The following CLDN15 variants were observed in gnomAD, a reference collection of about 807,000 sequenced individuals.
CLDN15 encodes claudin-15.
In CLDN15, 9 loss-of-function variants were observed where a neutral mutation model predicts 24.5. The ratio of observed to expected loss-of-function variants is 0.37; its 90% CI spans 0.22 to 0.64. The LOEUF (loss-of-function observed/expected upper bound fraction) is 0.64, where lower values mean the gene tolerates loss of function less well. Ranked by LOEUF, CLDN15 falls within the 30% of genes least tolerant of loss-of-function variation. The pLI is 0.63. For synonymous variants in CLDN15, 149 were observed against 131.4 expected (o/e 1.13, Z -0.92); for missense variants, 248 against 305.9 (o/e 0.81, Z 1.41).
At chr7:101,238,028 A>C, upstream of CLDN15, 1 of 238,512 alleles carries the variant, frequency 4.2e-6, no homozygotes, top group South Asian at 6.0e-5. Flanking sequence ...CTCAGCTTTC[A>C]TTGGGGGCCA....
Position 101,237,405 on chromosome 7 carries a change from G to T in CLDN15, c.177C>A (p.Val59=), listed in dbSNP as rs761250886. 1 of 1,613,466 alleles carries T rather than the reference G, an allele frequency of 6.2e-7. No homozygotes were observed. The highest frequency in any genetic ancestry group is 8.5e-7 in the Non-Finnish European group (1 of 1,179,678). The change falls in exon 1 of 5, where the codon GTC becomes GTA. Residue 59 remains valine (V), a synonymous_variant. Transcript: ENST00000308344. The surrounding 1 kb of genome is among the most constrained non-coding windows in gnomAD (Gnocchi z 4.0). ...TGGACGGGAACTCCCAGCAGTTGTA[G>T]ACGCCCAGGGAGTCGGTGGCACAGC... is the stretch of plus-strand genomic sequence containing the variant. The part of the protein sequence containing the change: ...WFSCATDSLG[V]YNCWEFPSML...
chr7:101,237,695 A>C lies in CLDN15; in HGVS notation c.-114T>G, dbSNP rs1798659494. 1.4e-6 allele frequency: 1 copy of C among 734,302 alleles called. No homozygotes were observed. The allele number at this position is 734,302 out of a possible 1,614,324, so 45.5% of individuals were successfully genotyped here. A position where few individuals can be genotyped will look rare whatever the true frequency, so the allele number is the denominator to read the frequency against. The stretch of plus-strand genomic sequence containing the variant: ...GGGTTGTCCAGGCAGGCTGGGGTGG[A>C]ATCAGCCTCAGCCTCTGCCTGCCTC... On this transcript the variant is annotated 5_prime_UTR_variant, in exon 1 of 5. In the 5' UTR this introduces an upstream ATG that the reference lacks. Coordinates refer to ENST00000308344, the MANE Select transcript of CLDN15 (RefSeq NM_014343.3). The surrounding 1 kb of genome is among the most constrained non-coding windows in gnomAD (Gnocchi z 4.0).
intron 2 of CLDN15, chr7:101,233,764 ATTTTTTTTTTTT>A (rs746861741): frequency 2.8e-4 from 25 of 88,546 alleles, no homozygotes; most frequent in Middle Eastern, 7.1e-3. Context: ...CGCCTGGCTA[ATTTTTTTTTTTT>A]TTTTTTTTTT....
At position 101,234,264 on chromosome 7, in the gene CLDN15, C is replaced by T. The variant is rs200335801; in HGVS notation, c.382+14G>A. 2.9e-4 allele frequency: 468 copies of T among 1,596,692 alleles called. No homozygotes were observed. The highest frequency in any genetic ancestry group is 3.8e-4 in the Non-Finnish European group (442 of 1,172,188). On this transcript the variant is annotated intron_variant, in intron 2 of 4. Transcript: ENST00000308344. ...TTGAGGGGGACCCCCGCCCCATCAC[C>T]TTCCCCCAGTTACCGGCCAGAATGT...
intron 1 of CLDN15, chr7:101,236,812 A>G (rs1304376642): frequency 7.7e-7 from 1 of 1,290,976 alleles, no homozygotes; most frequent in Non-Finnish European, 1.0e-6. Flanking sequence ...CTCCCTTCAC[A>G]GGGGCCCTTT....
Position 101,234,393 on chromosome 7 carries a change from G to A in CLDN15, c.267C>T (p.Gly89=), listed in dbSNP as rs1798585449. The A allele has an allele frequency of 1.5e-5, 24 of 1,612,876 alleles. No homozygotes were observed. The highest frequency in any genetic ancestry group is 1.8e-5 in the Non-Finnish European group (21 of 1,179,258). ...CTATGCCTAGCAAGAGGCCGAGGAA[G>A]CCCAGGAGGATGGCGGTGATCATGA... ...RALMITAILL[G]FLGLLLGIAG... is the part of the protein sequence containing the mutation. The change falls in exon 2 of 5, where the codon GGC becomes GGT. Residue 89 remains glycine, a synonymous_variant. Coordinates refer to ENST00000308344, the MANE Select transcript of CLDN15 (RefSeq NM_014343.3).
chr7:101,237,524 G>A lies in CLDN15; in HGVS notation c.58C>T (p.Leu20=). 1 of 1,614,172 alleles carries A rather than the reference G, an allele frequency of 6.2e-7. No homozygotes were observed. Reference sequence around the variant, plus strand: ...TAGCTGTTTGGCAGAGTCACCCCCAGCATCAGCAGCCCCACAGTTGCCATG... The same window carrying A: ...TAGCTGTTTGGCAGAGTCACCCCCAACATCAGCAGCCCCACAGTTGCCATG... ...FFMATVGLLM[L]GVTLPNSYWR... Residue 20 remains leucine, a synonymous_variant, in exon 1 of 5, where the codon CTG becomes TTG. Transcript: ENST00000308344. This position sits in a 1 kb window ranked among gnomAD's most constrained non-coding sequence, Gnocchi z 4.0.
rs1008618215 is a variant in CLDN15, at chr7:101,232,312, G to A, written c.*98C>T. ...CGGGGCGGGGCTACGGGAGCGGGGC[G>A]TGGCCGGCCCCTGAGGTTACTATAG... On this transcript the variant is annotated 3_prime_UTR_variant, in exon 5 of 5. Transcript: ENST00000308344. The A allele has an allele frequency of 3.6e-6, 3 of 823,554 alleles. No homozygotes were observed. Among genetic ancestry groups the A allele is most frequent in the Non-Finnish European group, 5.7e-6 (3 of 522,402 alleles). 51.0% of individuals were successfully genotyped at this position (823,554 alleles called of 1,614,324 possible). A position where few individuals can be genotyped will look rare whatever the true frequency, so the allele number is the denominator to read the frequency against.
chr7:101,232,631 C>T lies in CLDN15; in HGVS notation c.554G>A (p.Cys185Tyr). 1.9e-6 allele frequency: 3 copies of T among 1,587,300 alleles called. No individual in the cohort carries two copies. Among genetic ancestry groups the T allele is most frequent in the Non-Finnish European group, 2.6e-6 (3 of 1,167,184 alleles). ...GGCGGCTGGGTCCTCGTCAGAGCCGCAGCAGCAGGCGGAGCAGAGGCAGAG... is the reference window on the plus strand; with the variant it reads ...GGCGGCTGGGTCCTCGTCAGAGCCGTAGCAGCAGGCGGAGCAGAGGCAGAG... ...GGLCLCSACCCGSDEDPAASA... is the reference protein window; with the variant it reads ...GGLCLCSACCYGSDEDPAASA... The change falls in exon 4 of 5, where the codon TGC becomes TAC. Residue 185 changes from cysteine to tyrosine, a missense_variant. Coordinates refer to ENST00000308344, the MANE Select transcript of CLDN15 (RefSeq NM_014343.3).
rs1250638805 is a variant in CLDN15 at position 101,237,517 on chromosome 7, A to G, written c.65T>C (p.Val22Ala). Reference protein sequence around the residue: ...MATVGLLMLGVTLPNSYWRVS... With the variant: ...MATVGLLMLGATLPNSYWRVS... ...TCGCCAGTAGCTGTTTGGCAGAGTC[A>G]CCCCCAGCATCAGCAGCCCCACAGT... Residue 22 changes from valine to alanine, a missense_variant, in exon 1 of 5, where the codon GTG becomes GCG. Coordinates refer to ENST00000308344, the MANE Select transcript of CLDN15 (RefSeq NM_014343.3). The surrounding 1 kb of genome is among the most constrained non-coding windows in gnomAD (Gnocchi z 4.0). 9.9e-6 allele frequency: 16 copies of G among 1,613,842 alleles called. No individual in the cohort carries two copies. In the Admixed American group the frequency reaches 2.7e-4, roughly 27 times the overall value.
Position 101,234,269 on chromosome 7 carries a change from C to A in CLDN15, c.382+9G>T. 1.2e-6 allele frequency: 2 copies of A among 1,600,202 alleles called. No individual in the cohort carries two copies. The highest frequency in any genetic ancestry group is 1.7e-6 in the Non-Finnish European group (2 of 1,174,778). Reference sequence around the variant, plus strand: ...GGGGACCCCCGCCCCATCACCTTCCCCCAGTTACCGGCCAGAATGTGGAGG... The same window carrying A: ...GGGGACCCCCGCCCCATCACCTTCCACCAGTTACCGGCCAGAATGTGGAGG... On this transcript the variant is annotated intron_variant, in intron 2 of 4. Transcript: ENST00000308344.
In CLDN15 at chr7:101,232,719, A is replaced by C. The variant is rs1453368342; in HGVS notation, c.466T>G (p.Tyr156Asp). ...FFDPLYPGTK[Y>D]ELGPALYLGW... Reference sequence around the variant, plus strand: ...AGGTAGAGGGCGGGGCCCAGCTCGTACCTGCGCACAAGGGCGGCGCGGGGG... The same window carrying C: ...AGGTAGAGGGCGGGGCCCAGCTCGTCCCTGCGCACAAGGGCGGCGCGGGGG... Residue 156 changes from tyrosine (Y) to aspartate (D), a missense_variant and splice_region_variant, in exon 4 of 5, where the codon TAC (tyrosine) becomes GAC (aspartate). By Grantham distance (160) the Tyr-to-Asp change is radical. Coordinates refer to ENST00000308344, the MANE Select transcript of CLDN15 (RefSeq NM_014343.3). The C allele has an allele frequency of 6.3e-7, 1 of 1,595,520 alleles. No individual in the cohort carries two copies. Among genetic ancestry groups the C allele is most frequent in the African/African-American group, 1.3e-5 (1 of 74,506 alleles).
In CLDN15 at chr7:101,232,554, C is replaced by A. The variant is rs368582019; in HGVS notation, c.582-39G>T. ...CCGGGGTCAGAGCGGGGGCGCGGCC[C>A]TCCTCTCTCCAATCCCGCCCGGCCC... On this transcript the variant is annotated intron_variant, in intron 4 of 4. Coordinates refer to ENST00000308344, the MANE Select transcript of CLDN15 (RefSeq NM_014343.3). 9.2e-5 allele frequency: 147 copies of A among 1,597,200 alleles called. No homozygotes were observed. In the African/African-American group the frequency reaches 1.8e-3, roughly 19 times the overall value.
At chr7:101,236,420 G>A (rs1012344978) in intron 1 of CLDN15, among the ~76,000 whole-genome samples, 2 of 152,154 alleles carry the variant, frequency 1.3e-5, no homozygotes, top group African/African-American at 4.8e-5. Flanking sequence ...ATCCCCGGGG[G>A]TGAGCTCTCA....
chr7:101,235,728 C>G (rs949902748), intron 1 of CLDN15, among the ~76,000 whole-genome samples: 1 of 152,128 alleles, frequency 6.6e-6, no homozygotes, highest in Non-Finnish European at 1.5e-5. Flanking sequence ...GGAGCACTTT[C>G]TTCCTCCCAG....
chr7:101,232,665 G>C lies in CLDN15; in HGVS notation c.520C>G (p.Leu174Val). Reference sequence around the variant, plus strand: ...GCGGAGCAGAGGCAGAGGCCACCCAGGATGGAGATCAGTGAGGCGCTCCAC... The same window carrying C: ...GCGGAGCAGAGGCAGAGGCCACCCACGATGGAGATCAGTGAGGCGCTCCAC... ...LGWSASLISI[L>V]GGLCLCSACC... is the part of the protein sequence containing the mutation. The change falls in exon 4 of 5, where the codon CTG becomes GTG. Residue 174 changes from leucine (L) to valine (V), a missense_variant. Physicochemically the swap from Leu to Val is conservative, Grantham distance 32. Coordinates refer to ENST00000308344, the MANE Select transcript of CLDN15 (RefSeq NM_014343.3). 1 of 1,590,858 alleles carries C rather than the reference G, an allele frequency of 6.3e-7. No individual in the cohort carries two copies. The highest frequency in any genetic ancestry group is 1.3e-5 in the African/African-American group (1 of 74,706).
At chr7:101,232,954 G>C in intron 2 of CLDN15, 40 bp from the exon 3 acceptor site, 1 of 1,440,444 alleles carries the variant, frequency 6.9e-7, no homozygotes. Context: ...TCCAGGGGGA[G>C]GGATAGTGGG....
At chr7:101,236,988 A>C in intron 1 of CLDN15, 1 of 418,568 alleles carries the variant, frequency 2.4e-6, no homozygotes, top group Non-Finnish European at 4.7e-6. Flanking sequence ...CTGAGTGCCT[A>C]TGTGTGTTAA....
intron 2 of CLDN15, among the ~76,000 whole-genome samples, chr7:101,233,348 G>T (rs75856086): frequency 1.3e-5 from 2 of 151,974 alleles, no homozygotes; most frequent in Non-Finnish European, 2.9e-5. Flanking sequence ...GCAGACCCCC[G>T]GGCTAGCACC....
Sources: allele counts gnomAD v4.1 joint callset (sites outside exome capture counted in the v4.1 genomes callset), GRCh38; gene constraint gnomAD v4.1.1; non-coding constraint Gnocchi (gnomAD v3.1); transcripts MANE v1.5; gene names NCBI Gene and HGNC (gene_info 2026-07-23, HGNC 2026-07-21).